The following PROCR variants were observed in gnomAD, a reference collection of about 807,000 sequenced individuals.
The protein encoded by PROCR is protein C receptor.
PROCR carries 22 observed loss-of-function variants against 24.2 expected under a neutral mutation model. The ratio of observed to expected loss-of-function variants is 0.91; its 90% CI spans 0.65 to 1.30. PROCR has a LOEUF of 1.30. PROCR is among the 50% of genes most tolerant of loss of function. The pLI is 0.00. For missense variants in PROCR, 288 were observed against 307.7 expected, an observed-to-expected ratio of 0.94 and a Z score of 0.48; for synonymous variants, 137 against 139.2, an observed-to-expected ratio of 0.98 and a Z score of 0.11.
At chr20:35,178,948 CA>C (rs1047572579), downstream of PROCR, among the ~76,000 whole-genome samples, 17 of 150,976 alleles carry the variant, frequency 1.1e-4, no homozygotes, top group Middle Eastern at 3.4e-3. Context: ...ATGCCAAGCG[CA>C]AGCTGGGCAC....
At chr20:35,200,710 A>C (rs188069509) in intron 1 of PROCR, among the ~76,000 whole-genome samples, 21 of 152,208 alleles carry the variant, frequency 1.4e-4, no homozygotes, top group Non-Finnish European at 2.9e-4. Context: ...GTGCAGTAGC[A>C]ATCTTGGCTC....
intron 1 of PROCR, among the ~76,000 whole-genome samples, chr20:35,184,421 G>A (rs899009249): frequency 1.3e-5 from 2 of 152,206 alleles, no homozygotes; most frequent in Non-Finnish European, 2.9e-5. Flanking sequence ...GGATTGAGGA[G>A]CTGGGCGTGG....
intron 1 of PROCR, among the ~76,000 whole-genome samples, chr20:35,213,189 C>T (rs1351784272): frequency 6.6e-6 from 1 of 152,080 alleles, no homozygotes; most frequent in Non-Finnish European, 1.5e-5. Flanking sequence ...AAAAATTAGT[C>T]AGGTATGGTG....
intron 1 of PROCR, among the ~76,000 whole-genome samples, chr20:35,195,820 C>CAAAAAAAAAAAAAAAAAAAAAA (rs58205912): frequency 1.3e-5 from 1 of 77,598 alleles, no homozygotes; most frequent in East Asian, 5.1e-4. Context: ...GAGTCTGTCT[C>CAAAAAAAAAAAAAAAAAAAAAA]AAAAAAAAAA....
intron 1 of PROCR, among the ~76,000 whole-genome samples, chr20:35,205,102 G>A (rs1398399050): frequency 4.6e-5 from 7 of 151,548 alleles, no homozygotes; most frequent in African/African-American, 1.5e-4. Flanking sequence ...GTGAAACCCC[G>A]TCTCTACTAA....
At chr20:35,207,492 A>G (rs990837895) in intron 1 of PROCR, among the ~76,000 whole-genome samples, 3 of 150,698 alleles carry the variant, frequency 2.0e-5, no homozygotes, top group Non-Finnish European at 3.0e-5. Flanking sequence ...TATTTGTACA[A>G]TTATTCTTTC....
At chr20:35,206,956 A>G (rs951238030) in intron 1 of PROCR, among the ~76,000 whole-genome samples, 3 of 152,242 alleles carry the variant, frequency 2.0e-5, no homozygotes, top group African/African-American at 7.2e-5. Flanking sequence ...TCAACTGGGA[A>G]GTGGAGTAAC....
intron 1 of PROCR, among the ~76,000 whole-genome samples, chr20:35,210,630 A>G (rs1475967089): frequency 6.6e-6 from 1 of 152,120 alleles, no homozygotes; most frequent in East Asian, 1.9e-4. Flanking sequence ...AACTGTCCCC[A>G]GTTCTGAACT....
downstream of PROCR, among the ~76,000 whole-genome samples, chr20:35,178,520 T>TTG (rs1216225593): frequency 9.4e-3 from 491 of 52,006 alleles, 52 homozygotes; most frequent in Non-Finnish European, 0.014. Context: ...TTTTTTTTTT[T>TTG]TTTTTTTTTT....
At chr20:35,171,601 A>G (rs2085951048), upstream of PROCR, among the ~76,000 whole-genome samples, 1 of 152,174 alleles carries the variant, frequency 6.6e-6, no homozygotes, top group Non-Finnish European at 1.5e-5. Flanking sequence ...TGTAATTGTT[A>G]TTTACTTAAA....
chr20:35,195,034 C>CA (rs1362452165), intron 1 of PROCR, among the ~76,000 whole-genome samples: 6 of 152,064 alleles, frequency 3.9e-5, no homozygotes, highest in Admixed American at 6.5e-5. Flanking sequence ...AATTATCTGA[C>CA]AAAAACTTTA....
downstream of PROCR, among the ~76,000 whole-genome samples, chr20:35,179,472 G>A (rs2086058948): frequency 6.6e-6 from 1 of 151,568 alleles, no homozygotes; most frequent in Non-Finnish European, 1.5e-5. Context: ...CTTGAGCCCA[G>A]AAGGTTGAGG....
chr20:35,176,337 C>T lies in PROCR; in HGVS notation c.492C>T (p.Thr164=). The T allele has an allele frequency of 2.5e-6, 4 of 1,614,196 alleles. No individual in the cohort carries two copies. The East Asian group carries it at 8.9e-5, about 36-fold the overall frequency. The change falls in exon 3 of 4, where the codon ACC becomes ACT. Residue 164 remains threonine, a synonymous_variant. Coordinates refer to ENST00000216968, the MANE Select transcript of PROCR (RefSeq NM_006404.5). ...TCACCTCCGGAGTGGTCACCTTCAC[C>T]CTGCAGCAGCTCAATGCCTACAACC... The part of the protein sequence containing the change: ...TQVTSGVVTF[T]LQQLNAYNRT...
chr20:35,203,616 C>CA (rs1002759837), intron 1 of PROCR, among the ~76,000 whole-genome samples: 38 of 130,002 alleles, frequency 2.9e-4, no homozygotes, highest in East Asian at 8.8e-4. Flanking sequence ...GACTCTGTCT[C>CA]AAAAAAAAAG....
intron 1 of PROCR, among the ~76,000 whole-genome samples, chr20:35,173,388 C>G (rs2085969127): frequency 6.7e-6 from 1 of 149,028 alleles, no homozygotes; most frequent in African/African-American, 2.5e-5. Flanking sequence ...GGCAACTGAG[C>G]TGGGTCTTTT....
chr20:35,178,129 C>T (rs1446519416), downstream of PROCR, among the ~76,000 whole-genome samples: 4 of 151,908 alleles, frequency 2.6e-5, no homozygotes, highest in Admixed American at 1.3e-4. Flanking sequence ...GTCGGCCAGG[C>T]GCGGTGGCTC....
At chr20:35,179,840 A>G (rs1328325414), downstream of PROCR, among the ~76,000 whole-genome samples, 1 of 152,220 alleles carries the variant, frequency 6.6e-6, no homozygotes, top group African/African-American at 2.4e-5. Flanking sequence ...TACAGTATCT[A>G]TAAAACACAT....
At chr20:35,204,540 A>AT (rs1488175581) in intron 1 of PROCR, among the ~76,000 whole-genome samples, 5 of 151,698 alleles carry the variant, frequency 3.3e-5, no homozygotes, top group East Asian at 3.9e-4. Flanking sequence ...CACCCAGCAA[A>AT]TTTTTTTGTA....
At chr20:35,182,471 C>T (rs2086085907) in intron 1 of PROCR, among the ~76,000 whole-genome samples, 6 of 152,136 alleles carry the variant, frequency 3.9e-5, no homozygotes, top group Admixed American at 3.9e-4. Context: ...CACTATATCT[C>T]ACATCATTAA....
Sources: allele counts gnomAD v4.1 joint callset (sites outside exome capture counted in the v4.1 genomes callset), GRCh38; gene constraint gnomAD v4.1.1; transcripts MANE v1.5; gene names NCBI Gene and HGNC (gene_info 2026-07-23, HGNC 2026-07-21).